Variants in NT5C3A observed in about 807,000 individuals in gnomAD.
NT5C3A encodes 5'-nucleotidase, cytosolic IIIA.
A neutral mutation model predicts 40.0 loss-of-function variants in NT5C3A; 23 were observed. The ratio of observed to expected loss-of-function variants is 0.58; its 90% CI spans 0.41 to 0.81. The LOEUF is 0.81. NT5C3A is among the 40% of genes least tolerant of loss of function. NT5C3A has a pLI of 0.00. For missense variants in NT5C3A, 328 were observed against 403.0 expected, an observed-to-expected ratio of 0.81 and a Z score of 1.59; for synonymous variants, 130 against 141.4, an observed-to-expected ratio of 0.92 and a Z score of 0.57.
chr7:33,020,492 A>G (rs1191937811), intron 5 of NT5C3A, among the ~76,000 whole-genome samples: 3 of 152,166 alleles, frequency 2.0e-5, no homozygotes, highest in Non-Finnish European at 4.4e-5. Context: ...CAATCTTCTT[A>G]TATCTTCCAA....
At chr7:33,036,746 A>G (rs900438439) in intron 1 of NT5C3A, among the ~76,000 whole-genome samples, 2 of 152,196 alleles carry the variant, frequency 1.3e-5, no homozygotes, top group African/African-American at 2.4e-5. Flanking sequence ...AAGGGAAGAC[A>G]TAACACAAAA....
chr7:33,050,955 C>T (rs980823459), intron 1 of NT5C3A, among the ~76,000 whole-genome samples: 1 of 152,066 alleles, frequency 6.6e-6, no homozygotes, highest in Non-Finnish European at 1.5e-5. Flanking sequence ...ATAGATTTCC[C>T]TACTGCTGTT....
At chr7:33,039,654 T>C (rs1266675342) in intron 1 of NT5C3A, among the ~76,000 whole-genome samples, 1 of 150,802 alleles carries the variant, frequency 6.6e-6, no homozygotes, top group Non-Finnish European at 1.5e-5. Flanking sequence ...CTGTAATAAT[T>C]TGGTGGGGCA....
At chr7:33,020,775 A>ATTTT (rs11434167) in intron 5 of NT5C3A, among the ~76,000 whole-genome samples, 1 of 142,460 alleles carries the variant, frequency 7.0e-6, no homozygotes, top group Admixed American at 7.1e-5. Context: ...GTCATGATCT[A>ATTTT]TTTTTTTTTT....
At chr7:33,044,668 C>T (rs1787076193) in intron 1 of NT5C3A, among the ~76,000 whole-genome samples, 1 of 152,086 alleles carries the variant, frequency 6.6e-6, no homozygotes, top group African/African-American at 2.4e-5. Flanking sequence ...AACTGGATGT[C>T]TTTATCAATG....
intron 8 of NT5C3A, among the ~76,000 whole-genome samples, chr7:33,015,219 T>A (rs1398117560): frequency 6.6e-6 from 1 of 152,146 alleles, no homozygotes; most frequent in East Asian, 1.9e-4. Context: ...ATAGCATGCA[T>A]CTCAGCTCCT....
At chr7:33,046,805 C>CTT (rs558923448) in intron 1 of NT5C3A, among the ~76,000 whole-genome samples, 2 of 140,482 alleles carry the variant, frequency 1.4e-5, no homozygotes, top group Admixed American at 7.1e-5. Context: ...TTAGCACTGA[C>CTT]TTTTTTTTTT....
At chr7:33,025,969 T>C (rs1269687102) in intron 2 of NT5C3A, among the ~76,000 whole-genome samples, 1 of 152,176 alleles carries the variant, frequency 6.6e-6, no homozygotes, top group Non-Finnish European at 1.5e-5. Flanking sequence ...ATGGATCACT[T>C]GAGGCCAGGA....
intron 1 of NT5C3A, among the ~76,000 whole-genome samples, chr7:33,038,261 A>G (rs1786715923): frequency 6.6e-6 from 1 of 152,190 alleles, no homozygotes; most frequent in Non-Finnish European, 1.5e-5. Flanking sequence ...CAATTCACAC[A>G]GTGAAGAATT....
chr7:33,041,077 T>C (rs1786890713), intron 1 of NT5C3A: 3 of 984,716 alleles, frequency 3.0e-6, no homozygotes, highest in Admixed American at 1.2e-4. Context: ...CAAGTCAATC[T>C]ACATAACATT....
intron 1 of NT5C3A, chr7:33,029,609 G>A: frequency 8.1e-7 from 1 of 1,236,980 alleles, no homozygotes; most frequent in Admixed American, 2.3e-5. Flanking sequence ...TTTGATTTCA[G>A]TGTACCCAAG....
chr7:33,025,065 G>A (rs1157249852), intron 2 of NT5C3A, among the ~76,000 whole-genome samples: 1 of 152,120 alleles, frequency 6.6e-6, no homozygotes, highest in African/African-American at 2.4e-5. Flanking sequence ...CTTGAACCTG[G>A]GAGGCGCAGG....
At chr7:33,023,526 C>T (rs141647471) in intron 3 of NT5C3A, among the ~76,000 whole-genome samples, 17 of 152,070 alleles carry the variant, frequency 1.1e-4, no homozygotes, top group African/African-American at 3.1e-4. Flanking sequence ...CCCAAAATGC[C>T]GAGATTACAG....
Position 33,051,277 on chromosome 7 carries a change from C to T in NT5C3A, c.138+11291G>A, listed in dbSNP as rs1217891928. Among the ~76,000 whole-genome samples, 3 of 152,044 alleles carry T rather than the reference C, an allele frequency of 2.0e-5. No homozygotes were observed. The East Asian group carries it at 5.8e-4, about 29-fold the overall frequency. On this transcript the variant is annotated intron_variant, in intron 1 of 8. Coordinates refer to ENST00000610140, the MANE Select transcript of NT5C3A (RefSeq NM_001002010.5). ...TTCTGGGGTTCAAGTGATTCTCCTG[C>T]CTCAGCCTCTTGGGTAGCAGGGATT... is the stretch of plus-strand genomic sequence containing the variant.
intron 7 of NT5C3A, 164 bp from the exon 8 acceptor site, chr7:33,016,034 C>T: frequency 1.6e-6 from 1 of 627,720 alleles, no homozygotes; most frequent in Non-Finnish European, 2.8e-6. Context: ...TTCACCATAG[C>T]TAAGAAGGGC....
chr7:33,053,182 T>G (rs1787439601), intron 1 of NT5C3A, among the ~76,000 whole-genome samples: 1 of 152,124 alleles, frequency 6.6e-6, no homozygotes, highest in Admixed American at 6.5e-5. Context: ...AGACACTGTC[T>G]GTTTTTGTTT....
At chr7:33,031,348 GAGGC>G (rs1786244733) in intron 1 of NT5C3A, among the ~76,000 whole-genome samples, 1 of 151,674 alleles carries the variant, frequency 6.6e-6, no homozygotes, top group Admixed American at 6.6e-5. Context: ...AGCACTTTAG[GAGGC>G]CGAGGCAGGA....
chr7:33,040,681 A>C (rs1295988828), intron 1 of NT5C3A, among the ~76,000 whole-genome samples: 1 of 152,230 alleles, frequency 6.6e-6, no homozygotes. Context: ...TCTGAGACCT[A>C]AGACTCTTCA....
At chr7:33,035,189 GTTTTTTT>G (rs35769309) in intron 1 of NT5C3A, among the ~76,000 whole-genome samples, 1 of 106,186 alleles carries the variant, frequency 9.4e-6, no homozygotes, top group South Asian at 3.3e-4. Flanking sequence ...TAAGGAATGA[GTTTTTTT>G]TTTTTTTTTT....
Sources: allele counts gnomAD v4.1 joint callset (sites outside exome capture counted in the v4.1 genomes callset), GRCh38; gene constraint gnomAD v4.1.1; transcripts MANE v1.5; gene names NCBI Gene and HGNC (gene_info 2026-07-23, HGNC 2026-07-21).